ACAD11: variants seen among roughly 807,000 people sequenced by gnomAD.
ACAD11 encodes acyl-CoA dehydrogenase family member 11, also known as acyl-Coenzyme A dehydrogenase family, member 11.
A neutral mutation model predicts 102.2 loss-of-function variants in ACAD11; 83 were observed. The ratio of observed to expected loss-of-function variants is 0.81; its 90% CI spans 0.68 to 0.97. ACAD11 has a LOEUF of 0.97. ACAD11 is among the 50% of genes least tolerant of loss of function. The pLI is 0.00. For missense variants in ACAD11, 901 were observed against 951.7 expected, an observed-to-expected ratio of 0.95 and a Z score of 0.70; for synonymous variants, 324 against 319.8, an observed-to-expected ratio of 1.01 and a Z score of -0.14.
intron 9 of ACAD11, among the ~76,000 whole-genome samples, chr3:132,625,242 A>T (rs1939767922): frequency 6.6e-6 from 1 of 152,136 alleles, no homozygotes; most frequent in African/African-American, 2.4e-5. Flanking sequence ...CTATTGTTAG[A>T]TTATTCTAGG....
chr3:132,644,073 C>T (rs966114013), intron 2 of ACAD11, among the ~76,000 whole-genome samples: 4 of 152,030 alleles, frequency 2.6e-5, no homozygotes, highest in African/African-American at 9.7e-5. Context: ...GATATGGGAC[C>T]AAGAAAGTCC....
At position 132,558,659 on chromosome 3, in the gene ACAD11, CTT is replaced by C. The variant is rs572235455; in HGVS notation, c.*310_*311del. ...AGGACTACAAGCATGTGCCACCACA[CTT>C]GTTTCATTTTTAAATTTTTTGTAGC... On this transcript the variant is annotated 3_prime_UTR_variant, in exon 20 of 20. Transcript: ENST00000264990. 1.2e-4 allele frequency: 30 copies of C among 253,566 alleles called. No homozygotes were observed. Among genetic ancestry groups the C allele is most frequent in the Non-Finnish European group, 1.3e-4 (17 of 134,060 alleles). 15.7% of individuals were successfully genotyped at this position (253,566 alleles called of 1,614,324 possible).
intron 2 of ACAD11, 88 bp downstream of exon 2, chr3:132,644,709 G>A: frequency 1.7e-6 from 1 of 571,442 alleles, no homozygotes; most frequent in Non-Finnish European, 3.0e-6. Flanking sequence ...GCAATCATAA[G>A]ATGCCTTTTA....
intron 11 of ACAD11, among the ~76,000 whole-genome samples, chr3:132,611,720 A>G (rs1939159171): frequency 6.6e-6 from 1 of 152,036 alleles, no homozygotes; most frequent in South Asian, 2.1e-4. Context: ...CAATGAAATA[A>G]AAGAGGATAC....
At chr3:132,620,951 A>C (rs1939585716) in intron 9 of ACAD11, among the ~76,000 whole-genome samples, 1 of 152,232 alleles carries the variant, frequency 6.6e-6, no homozygotes, top group South Asian at 2.1e-4. Flanking sequence ...AGCTGAAAAA[A>C]CAAATCATAA....
intron 13 of ACAD11, among the ~76,000 whole-genome samples, chr3:132,583,519 T>G (rs1937656234): frequency 6.6e-6 from 1 of 152,108 alleles, no homozygotes; most frequent in African/African-American, 2.4e-5. Context: ...TTCACTGATT[T>G]TTTGAAGGGT....
At position 132,582,684 on chromosome 3, in the gene ACAD11, T is replaced by TA. The variant is rs1217448064; in HGVS notation, c.1622-3127dup. On this transcript the variant is annotated intron_variant, in intron 13 of 19. Transcript: ENST00000264990. ...CTCTGACAAAATGCTAAAACTGATTTAAAAAAAAAACACCTAAAATAGATA... is the reference window on the plus strand; with the variant it reads ...CTCTGACAAAATGCTAAAACTGATTTAAAAAAAAAAACACCTAAAATAGATA... 2.6e-3 allele frequency among the ~76,000 whole-genome samples: 384 copies of TA among 149,124 alleles called. 3 individuals are homozygous for TA. Among genetic ancestry groups the TA allele is most frequent in the African/African-American group, 4.9e-3 (201 of 40,776 alleles).
At chr3:132,593,158 C>T (rs72998157) in intron 13 of ACAD11, among the ~76,000 whole-genome samples, 3,895 of 151,280 alleles carry the variant, frequency 0.026, 163 homozygotes, top group African/African-American at 0.089. Context: ...AGACAAAGAT[C>T]AATTGGTTTG....
rs1936938810 is a variant in ACAD11, at chr3:132,558,195, A to G, written c.*776T>C. The G allele has an allele frequency of 6.6e-6, 1 of 152,188 alleles. No individual in the cohort carries two copies. Among genetic ancestry groups the G allele is most frequent in the Non-Finnish European group, 1.5e-5 (1 of 68,028 alleles). 9.4% of individuals were successfully genotyped at this position (152,188 alleles called of 1,614,324 possible). Reference sequence around the variant, plus strand: ...ATGTTCAAAAACAATCCTGTCTTCTAAATCACAACTTTTCGAGTTACAAGA... The same window carrying G: ...ATGTTCAAAAACAATCCTGTCTTCTGAATCACAACTTTTCGAGTTACAAGA... On this transcript the variant is annotated 3_prime_UTR_variant, in exon 20 of 20. Coordinates refer to ENST00000264990, the MANE Select transcript of ACAD11 (RefSeq NM_032169.5).
chr3:132,598,051 G>C (rs1369813524), intron 13 of ACAD11, among the ~76,000 whole-genome samples: 1 of 152,024 alleles, frequency 6.6e-6, no homozygotes, highest in Non-Finnish European at 1.5e-5. Context: ...AAAAAAGTTA[G>C]CAAACATAAG....
chr3:132,582,922 G>C (rs1424405178), intron 13 of ACAD11, among the ~76,000 whole-genome samples: 1 of 152,130 alleles, frequency 6.6e-6, no homozygotes, highest in Non-Finnish European at 1.5e-5. Flanking sequence ...TAAAAAGGAA[G>C]AGAGAGGACT....
intron 4 of ACAD11, 144 bp downstream of exon 4, chr3:132,641,828 T>TA (rs1370312988): frequency 2.9e-6 from 2 of 680,094 alleles, no homozygotes; most frequent in Admixed American, 3.0e-5. Context: ...AATTTTATAC[T>TA]AAAAACTAGT....
intron 7 of ACAD11, among the ~76,000 whole-genome samples, chr3:132,630,151 G>A (rs1190395576): frequency 6.6e-6 from 1 of 152,120 alleles, no homozygotes; most frequent in Non-Finnish European, 1.5e-5. Context: ...TTCAGGAAAT[G>A]ACTAATCCTT....
intron 17 of ACAD11, among the ~76,000 whole-genome samples, chr3:132,566,299 AAAAAC>A (rs1004595549): frequency 7.3e-5 from 11 of 150,100 alleles, no homozygotes; most frequent in African/African-American, 2.7e-4. Flanking sequence ...ACAAACTCAA[AAAAAC>A]AAAAAAAAAA....
rs375902644 is a variant in ACAD11, at chr3:132,601,017, T to C, written c.1621+2212A>G. ...TTGATTCAAATGCTAGAGATCTGCATTGGATTTGTAGTACCCTTTCTTATT... is the reference window on the plus strand; with the variant it reads ...TTGATTCAAATGCTAGAGATCTGCACTGGATTTGTAGTACCCTTTCTTATT... On this transcript the variant is annotated intron_variant, in intron 13 of 19. Transcript: ENST00000264990. The C allele has an allele frequency of 2.5e-5, 41 of 1,613,824 alleles. No individual in the cohort carries two copies. The African/African-American group carries it at 4.0e-4, about 16-fold the overall frequency.
chr3:132,604,594 A>G (rs947447234), intron 12 of ACAD11, among the ~76,000 whole-genome samples: 8 of 152,180 alleles, frequency 5.3e-5, no homozygotes, highest in Admixed American at 5.2e-4. Context: ...AATGCTTTCT[A>G]TGTACAAATG....
At chr3:132,603,780 T>C (rs11719902) in intron 12 of ACAD11, among the ~76,000 whole-genome samples, 17,206 of 152,220 alleles carry the variant, frequency 0.11, 1,501 homozygotes, top group East Asian at 0.53. Flanking sequence ...TTATATACTT[T>C]GCATTCTTTA....
Position 132,631,374 on chromosome 3 carries a change from T to C in ACAD11, c.808A>G (p.Met270Val), listed in dbSNP as rs1230817234. 4 of 1,528,118 alleles carry C rather than the reference T, an allele frequency of 2.6e-6. No individual in the cohort carries two copies. Among genetic ancestry groups the C allele is most frequent in the Non-Finnish European group, 3.5e-6 (4 of 1,134,878 alleles). 94.7% of individuals were successfully genotyped at this position (1,528,118 alleles called of 1,614,324 possible). A position where few individuals can be genotyped will look rare whatever the true frequency, so the allele number is the denominator to read the frequency against. ...LFYFWPRTVP[M>V]INQGSYSENS... is the part of the protein sequence containing the mutation. ...TCACTATAAGAACCTTGATTTATCA[T>C]TGGAACTGTCCTTGGCCAAAAGTAG... The change falls in exon 6 of 20, where the codon ATG becomes GTG. Residue 270 changes from methionine to valine, a missense_variant. Physicochemically the swap from Met to Val is conservative, Grantham distance 21. Coordinates refer to ENST00000264990, the MANE Select transcript of ACAD11 (RefSeq NM_032169.5).
chr3:132,597,329 T>C (rs1351976326), intron 13 of ACAD11: 2 of 152,120 alleles, frequency 1.3e-5, no homozygotes, highest in African/African-American at 4.8e-5. Context: ...AACAGGTTGG[T>C]ACTTTATTTC....
Sources: allele counts gnomAD v4.1 joint callset (sites outside exome capture counted in the v4.1 genomes callset), GRCh38; gene constraint gnomAD v4.1.1; transcripts MANE v1.5; gene names NCBI Gene and HGNC (gene_info 2026-07-23, HGNC 2026-07-21).